EXD3: variants seen among roughly 807,000 people sequenced by gnomAD.
EXD3 encodes exonuclease 3'-5' domain containing 3, also known as exonuclease mut-7 homolog.
In EXD3, 92 loss-of-function variants were observed where a neutral mutation model predicts 98.0. That is an observed-to-expected ratio of 0.94 (90% CI 0.79 to 1.12). The LOEUF (loss-of-function observed/expected upper bound fraction) is 1.12. EXD3 is among the 50% of genes most tolerant of loss of function. The pLI is 0.00. For synonymous variants in EXD3, 569 were observed against 526.0 expected (o/e 1.08, Z -1.12); for missense variants, 1,222 against 1,191.6 (o/e 1.03, Z -0.38).
chr9:137,330,180 G>T (rs1286599556), intron 17 of EXD3, among the ~76,000 whole-genome samples: 1 of 139,552 alleles, frequency 7.2e-6, no homozygotes, highest in Non-Finnish European at 1.5e-5. Flanking sequence ...GAGCTACACG[G>T]GACTACACAG....
intron 21 of EXD3, 83 bp downstream of exon 21, chr9:137,307,525 C>T (rs1029362024): frequency 1.4e-4 from 213 of 1,545,468 alleles, no homozygotes; most frequent in Non-Finnish European, 1.8e-4. Flanking sequence ...CGGCCGGGAC[C>T]CAAGTCCCCC....
At position 137,309,474 on chromosome 9, in the gene EXD3, T is replaced by C. The variant is rs1015630731; in HGVS notation, c.2278+133A>G. The C allele has an allele frequency of 4.2e-6, 3 of 708,658 alleles. No individual in the cohort carries two copies. The Admixed American group carries it at 8.1e-5, about 19-fold the overall frequency. 43.9% of individuals were successfully genotyped at this position (708,658 alleles called of 1,614,324 possible). ...GTCACCTGGCTGTGGTTTTTCCACC[T>C]GTCGTCACCTGGCTGCCACCCTTAT... On this transcript the variant is annotated intron_variant, in intron 20 of 21. Transcript: ENST00000340951.
chr9:137,396,233 G>A (rs571997199), intron 1 of EXD3, among the ~76,000 whole-genome samples: 1 of 152,304 alleles, frequency 6.6e-6, no homozygotes, highest in South Asian at 2.1e-4. Context: ...CTCCCAAAGT[G>A]CTGGGACTAC....
chr9:137,379,589 G>A (rs1836123166), intron 3 of EXD3, among the ~76,000 whole-genome samples: 1 of 151,958 alleles, frequency 6.6e-6, no homozygotes, highest in Non-Finnish European at 1.5e-5. Flanking sequence ...ACCAGAAGAG[G>A]TGCACAGGTT....
intron 17 of EXD3, among the ~76,000 whole-genome samples, chr9:137,339,519 T>C (rs1024511536): frequency 8.4e-6 from 1 of 119,120 alleles, no homozygotes; most frequent in Non-Finnish European, 1.7e-5. Context: ...AAAAAAAAAA[T>C]CACAGACCAA....
rs756646911 is a variant in EXD3, at chr9:137,351,919, G to C, written c.1173+147C>G. ...GTCTCAGCAGCACAGTGTGGGGAAC[G>C]GCTGCCCTCACAGCAGCCCTGGGGC... On this transcript the variant is annotated intron_variant, in intron 12 of 21. Coordinates refer to ENST00000340951, the MANE Select transcript of EXD3 (RefSeq NM_017820.5). The C allele has an allele frequency of 3.2e-4, 329 of 1,019,980 alleles. 1 individual carries two copies. Among genetic ancestry groups the C allele is most frequent in the East Asian group, 1.3e-3 (49 of 38,280 alleles). The allele number at this position is 1,019,980 out of a possible 1,614,324, so 63.2% of individuals were successfully genotyped here.
At chr9:137,312,728 C>T (rs561875111) in intron 19 of EXD3, among the ~76,000 whole-genome samples, 30 of 152,232 alleles carry the variant, frequency 2.0e-4, no homozygotes, top group African/African-American at 6.0e-4. Context: ...TAGGAGGGCT[C>T]GAGGGGTCTG....
chr9:137,401,415 A>G (rs1418353856), intron 1 of EXD3, among the ~76,000 whole-genome samples: 1 of 151,898 alleles, frequency 6.6e-6, no homozygotes, highest in Non-Finnish European at 1.5e-5. Flanking sequence ...TCGGCCTCCC[A>G]AAGTGCTGGG....
At position 137,307,730 on chromosome 9, in the gene EXD3, G is replaced by C. The variant is rs998491701; in HGVS notation, c.2279-84C>G. The C allele has an allele frequency of 3.3e-6, 5 of 1,510,586 alleles. No individual in the cohort carries two copies. The African/African-American group carries it at 4.1e-5, about 12-fold the overall frequency. The allele number at this position is 1,510,586 out of a possible 1,614,324, so 93.6% of individuals were successfully genotyped here. On this transcript the variant is annotated intron_variant, in intron 20 of 21. Transcript: ENST00000340951. ...AGCGGGGTCCATGACGCAGCCATGC[G>C]GCTGAGCACAGTCACCTCATGGGGT...
At chr9:137,311,170 G>C (rs1564460415) in intron 19 of EXD3, among the ~76,000 whole-genome samples, 1 of 152,210 alleles carries the variant, frequency 6.6e-6, no homozygotes, top group African/African-American at 2.4e-5. Context: ...GGCTGGGCTA[G>C]GGAGACAGGA....
chr9:137,418,951 AT>A (rs532801153), intron 1 of EXD3, among the ~76,000 whole-genome samples: 24 of 152,290 alleles, frequency 1.6e-4, no homozygotes, highest in Admixed American at 1.0e-3. Flanking sequence ...CTGTGGTCCT[AT>A]TTTGAGATTG....
intron 3 of EXD3, among the ~76,000 whole-genome samples, chr9:137,379,387 TG>T (rs35680530): frequency 1.9e-4 from 7 of 36,324 alleles, no homozygotes; most frequent in Admixed American, 3.2e-4. Flanking sequence ...CCGAGGGGAA[TG>T]GGGGCGTCTG....
intron 3 of EXD3, among the ~76,000 whole-genome samples, chr9:137,378,087 T>A (rs573289318): frequency 6.6e-6 from 1 of 151,920 alleles, no homozygotes; most frequent in African/African-American, 2.4e-5. Context: ...GCCACTGCAC[T>A]TGGCTGAAAT....
chr9:137,349,233 C>A lies in EXD3; in HGVS notation c.1707G>T (p.Glu569Asp). The change falls in exon 16 of 22, where the codon GAG becomes GAT. Residue 569 changes from glutamate to aspartate, a missense_variant. Transcript: ENST00000340951. The surrounding 1 kb of genome is among the most constrained non-coding windows in gnomAD (Gnocchi z 7.4). ...CCTCCGACAGGTGGAAGCGGGCGGG[C>A]TCTCTGCACAGGGCTTGGTGCACCT... Reference protein sequence around the residue: ...LLEVHQALCREPARFHLSEDL... With the variant: ...LLEVHQALCRDPARFHLSEDL... The A allele has an allele frequency of 6.3e-7, 1 of 1,575,642 alleles. No individual in the cohort carries two copies. The highest frequency in any genetic ancestry group is 2.3e-5 in the East Asian group (1 of 43,386).
chr9:137,315,478 TG>T (rs1179328847), intron 19 of EXD3, among the ~76,000 whole-genome samples: 3 of 151,988 alleles, frequency 2.0e-5, no homozygotes, highest in Admixed American at 2.0e-4. Flanking sequence ...CCTCTGGGTG[TG>T]GCCCCTGTTG....
At chr9:137,355,570 TGG>T (rs1834659251) in intron 8 of EXD3, among the ~76,000 whole-genome samples, 2 of 3,854 alleles carry the variant, frequency 5.2e-4, no homozygotes, top group African/African-American at 2.7e-3. Context: ...GAAGGGAGGA[TGG>T]AGGAAGGAGG....
At chr9:137,391,223 C>T (rs959525555) in intron 2 of EXD3, among the ~76,000 whole-genome samples, 3 of 152,258 alleles carry the variant, frequency 2.0e-5, no homozygotes, top group East Asian at 1.9e-4. Context: ...CGGTGCATTA[C>T]GAGAGCGGCA....
At chr9:137,367,543 A>G in intron 6 of EXD3, 1 of 185,580 alleles carries the variant, frequency 5.4e-6, no homozygotes, top group Non-Finnish European at 1.1e-5. Context: ...TCTGTCCGGA[A>G]ATTCACAGTT....
chr9:137,333,554 G>C (rs566712978), intron 17 of EXD3, among the ~76,000 whole-genome samples: 4 of 152,266 alleles, frequency 2.6e-5, no homozygotes, highest in African/African-American at 7.2e-5. Context: ...GAGGCCACTC[G>C]ATCATGGGGG....
Sources: allele counts gnomAD v4.1 joint callset (sites outside exome capture counted in the v4.1 genomes callset), GRCh38; gene constraint gnomAD v4.1.1; non-coding constraint Gnocchi (gnomAD v3.1); transcripts MANE v1.5; gene names NCBI Gene and HGNC (gene_info 2026-07-23, HGNC 2026-07-21).